The following GNAI3 variants were observed in gnomAD, a reference collection of about 807,000 sequenced individuals.
GNAI3 encodes guanine nucleotide-binding protein G(i) subunit alpha-3.
In GNAI3, 12 loss-of-function variants were observed where a neutral mutation model predicts 41.8. That is an observed-to-expected ratio of 0.29 (90% CI 0.18 to 0.47). The LOEUF is 0.47. Among genes scored for constraint, GNAI3 ranks in the 20% least tolerant of loss-of-function variants. GNAI3 has a pLI of 1.00. For synonymous variants in GNAI3, 132 were observed against 146.5 expected (o/e 0.90, Z 0.71); for missense variants, 360 against 429.6 (o/e 0.84, Z 1.43).
chr1:109,589,727 G>A (rs1484852994), intron 7 of GNAI3, among the ~76,000 whole-genome samples: 2 of 152,176 alleles, frequency 1.3e-5, no homozygotes, highest in African/African-American at 4.8e-5. Context: ...CTAAGTAAAA[G>A]AGGCCAATAC....
At chr1:109,564,448 T>C (rs180987325) in intron 1 of GNAI3, among the ~76,000 whole-genome samples, 30 of 152,288 alleles carry the variant, frequency 2.0e-4, no homozygotes, top group African/African-American at 7.0e-4. Flanking sequence ...TCTCTTTTTT[T>C]GTGAGCTCTC....
At chr1:109,561,511 A>G (rs1452011362) in intron 1 of GNAI3, among the ~76,000 whole-genome samples, 1 of 152,222 alleles carries the variant, frequency 6.6e-6, no homozygotes, top group African/African-American at 2.4e-5. Flanking sequence ...TCCAGGATAC[A>G]CCATTGCATT....
At position 109,592,206 on chromosome 1, in the gene GNAI3, C is replaced by A; in HGVS notation, c.1038C>A (p.Asn346Lys). ...FDAVTDVIIK[N>K]NLKECGLY ...CTGTTACAGATGTCATCATTAAAAA[C>A]AACTTAAAGGAATGTGGACTTTATT... Residue 346 changes from asparagine to lysine, a missense_variant, in exon 8 of 9, where the codon AAC becomes AAA. Physicochemically the swap from Asn to Lys is moderately conservative, Grantham distance 94. Transcript: ENST00000369851. 1 of 1,612,040 alleles carries A rather than the reference C, an allele frequency of 6.2e-7. No homozygotes were observed. The highest frequency in any genetic ancestry group is 1.1e-5 in the South Asian group (1 of 91,012).
chr1:109,597,547 T>A lies in GNAI3; in HGVS notation c.*5225T>A, dbSNP rs1049250398. The stretch of plus-strand genomic sequence containing the variant: ...AGCTCAAAATCACTAGTGAGTGATC[T>A]ATTTTTTGCCAATAAGAAGTACCAT... On this transcript the variant is annotated 3_prime_UTR_variant, in exon 9 of 9. Coordinates refer to ENST00000369851, the MANE Select transcript of GNAI3 (RefSeq NM_006496.4). 9 of 152,074 alleles carry A rather than the reference T, an allele frequency of 5.9e-5. No individual in the cohort carries two copies. Among genetic ancestry groups the A allele is most frequent in the Admixed American group, 5.9e-4 (9 of 15,270 alleles). The allele number at this position is 152,074 out of a possible 1,614,324, so 9.4% of individuals were successfully genotyped here. A position where few individuals can be genotyped will look rare whatever the true frequency, so the allele number is the denominator to read the frequency against.
chr1:109,580,815 A>G (rs765577186), intron 4 of GNAI3, among the ~76,000 whole-genome samples: 1 of 152,230 alleles, frequency 6.6e-6, no homozygotes, highest in African/African-American at 2.4e-5. Flanking sequence ...GCATACATTT[A>G]TACAGTCTGT....
At chr1:109,575,534 C>CATTTTTT (rs1648716320) in intron 3 of GNAI3, among the ~76,000 whole-genome samples, 1 of 52,854 alleles carries the variant, frequency 1.9e-5, no homozygotes, top group African/African-American at 8.0e-5. Context: ...CCTTTCATTT[C>CATTTTTT]TTTTTTTTTT....
intron 1 of GNAI3, among the ~76,000 whole-genome samples, chr1:109,565,846 G>C (rs996747758): frequency 2.0e-5 from 3 of 152,198 alleles, no homozygotes; most frequent in African/African-American, 7.2e-5. Context: ...GGTTGAGCCT[G>C]GTCAGGGTGC....
At position 109,597,487 on chromosome 1, in the gene GNAI3, A is replaced by G. The variant is rs1649336952; in HGVS notation, c.*5165A>G. On this transcript the variant is annotated 3_prime_UTR_variant, in exon 9 of 9. Coordinates refer to ENST00000369851, the MANE Select transcript of GNAI3 (RefSeq NM_006496.4). ...TTTTGTTTTTTTTTAAAGTCAACAC[A>G]AATATTGAAAATAAGCAACTTCAGT... is the stretch of plus-strand genomic sequence containing the variant. 1.3e-5 allele frequency: 2 copies of G among 152,012 alleles called. No homozygotes were observed. Among genetic ancestry groups the G allele is most frequent in the African/African-American group, 4.8e-5 (2 of 41,462 alleles). The allele number at this position is 152,012 out of a possible 1,614,324, so 9.4% of individuals were successfully genotyped here. A position where few individuals can be genotyped will look rare whatever the true frequency, so the allele number is the denominator to read the frequency against.
chr1:109,591,993 T>C, intron 7 of GNAI3, 50 bp from the exon 8 acceptor site: 2 of 1,225,548 alleles, frequency 1.6e-6, no homozygotes, highest in Non-Finnish European at 1.2e-6. Context: ...CTTAGTTGAG[T>C]TCAGGCAGCT....
chr1:109,581,793 G>T (rs1212140428), intron 4 of GNAI3, among the ~76,000 whole-genome samples: 1 of 152,034 alleles, frequency 6.6e-6, no homozygotes, highest in Non-Finnish European at 1.5e-5. Context: ...GGAGGCTGAG[G>T]CAGGAGAATC....
chr1:109,578,500 A>G (rs1021934983), intron 3 of GNAI3, among the ~76,000 whole-genome samples: 1 of 151,230 alleles, frequency 6.6e-6, no homozygotes, highest in Non-Finnish European at 1.5e-5. Flanking sequence ...AAGAAAAGAA[A>G]TAAAGAAAAC....
chr1:109,563,912 G>A (rs1239907645), intron 1 of GNAI3, among the ~76,000 whole-genome samples: 3 of 151,956 alleles, frequency 2.0e-5, no homozygotes, highest in African/African-American at 7.3e-5. Context: ...CAGATTTTTT[G>A]TTACACATAT....
At chr1:109,591,997 G>A in intron 7 of GNAI3, 46 bp from the exon 8 acceptor site, 1 of 1,280,706 alleles carries the variant, frequency 7.8e-7, no homozygotes, top group South Asian at 1.3e-5. Flanking sequence ...GTTGAGTTCA[G>A]GCAGCTGTTA....
At chr1:109,581,198 C>T (rs1196843872) in intron 4 of GNAI3, among the ~76,000 whole-genome samples, 1 of 151,924 alleles carries the variant, frequency 6.6e-6, no homozygotes, top group East Asian at 1.9e-4. Flanking sequence ...GCAAAGAATA[C>T]AGTTTTGAAG....
chr1:109,559,793 C>G (rs1648260474), intron 1 of GNAI3, among the ~76,000 whole-genome samples: 1 of 152,106 alleles, frequency 6.6e-6, no homozygotes, highest in South Asian at 2.1e-4. Context: ...TTTATCTTGT[C>G]CAGGTGATCC....
chr1:109,555,974 G>GCGTGCGTGCGTGCA (rs1553222512), intron 1 of GNAI3, among the ~76,000 whole-genome samples: 1 of 150,424 alleles, frequency 6.6e-6, no homozygotes, highest in Non-Finnish European at 1.5e-5. Flanking sequence ...GTGTGTGTGT[G>GCGTGCGTGCGTGCA]TGTGTGTGTG....
intron 7 of GNAI3, among the ~76,000 whole-genome samples, chr1:109,590,248 A>G (rs1342474489): frequency 6.6e-6 from 1 of 152,200 alleles, no homozygotes; most frequent in Non-Finnish European, 1.5e-5. Flanking sequence ...GGGGAGAGAG[A>G]TGTAAGACAA....
chr1:109,590,409 T>TGTATTTGGACCG (rs1301774307), intron 7 of GNAI3, among the ~76,000 whole-genome samples: 2 of 152,226 alleles, frequency 1.3e-5, no homozygotes, highest in Non-Finnish European at 2.9e-5. Context: ...CTTACGGTCC[T>TGTATTTGGACCG]TATTTGCCAG....
intron 1 of GNAI3, 127 bp downstream of exon 1, chr1:109,548,965 G>A: frequency 1.5e-6 from 1 of 654,602 alleles, no homozygotes; most frequent in Non-Finnish European, 2.7e-6. Flanking sequence ...CCGGGCGTGG[G>A]GCGGGGTGTT....
Sources: gnomAD v4.1 joint callset for allele counts (sites outside exome capture counted in the v4.1 genomes callset) on GRCh38, gnomAD v4.1.1 for gene constraint, MANE v1.5 for transcripts, NCBI Gene and HGNC (gene_info 2026-07-23, HGNC 2026-07-21) for gene names.